Variants in C7 observed in about 807,000 individuals in gnomAD.
The protein encoded by C7 is complement C7, also known as complement component C7.
Under a neutral mutation model 104.8 loss-of-function variants are expected in C7, and 83 were observed. The ratio of observed to expected loss-of-function variants is 0.79; its 90% CI spans 0.66 to 0.95. The LOEUF (loss-of-function observed/expected upper bound fraction) is 0.95, where lower values mean the gene tolerates loss of function less well. Among genes scored for constraint, C7 ranks in the 40% least tolerant of loss-of-function variants. The probability of loss-of-function intolerance (pLI) is 0.00; values close to 1 mark genes in which losing one functional copy is unlikely to be tolerated. For synonymous variants in C7, 415 were observed against 360.6 expected (o/e 1.15, Z -1.71); for missense variants, 1,070 against 1,011.2 (o/e 1.06, Z -0.79).
At chr5:40,961,675 C>T (rs888912125) in intron 12 of C7, among the ~76,000 whole-genome samples, 20 of 152,116 alleles carry the variant, frequency 1.3e-4, no homozygotes, top group African/African-American at 4.3e-4. Context: ...CGTGAGCTGT[C>T]GCATCTCGTC....
chr5:40,952,023 GA>G, intron 9 of C7, among the ~76,000 whole-genome samples: 1 of 152,320 alleles, frequency 6.6e-6, no homozygotes, highest in Non-Finnish European at 1.5e-5. Flanking sequence ...GAATGAAGTG[GA>G]AAAAGAATGA....
chr5:40,949,838 C>G lies in C7; in HGVS notation c.983-66C>G. 3 of 979,006 alleles carry G rather than the reference C, an allele frequency of 3.1e-6. No homozygotes were observed. The South Asian group carries it at 4.2e-5, about 14-fold the overall frequency. 60.6% of individuals were successfully genotyped at this position (979,006 alleles called of 1,614,324 possible). On this transcript the variant is annotated intron_variant, in intron 8 of 17. Transcript: ENST00000313164. ...CAGCAAACAACCTCTTATCCCTACT[C>G]TCATATCTGAAGATCTTCAAGGAAT...
rs2111737799 is a variant in C7, at chr5:40,981,765, C to T, written c.*192C>T. 2.0e-6 allele frequency: 1 copy of T among 508,694 alleles called. No homozygotes were observed. The highest frequency in any genetic ancestry group is 3.4e-6 in the Non-Finnish European group (1 of 290,882). 31.5% of individuals were successfully genotyped at this position (508,694 alleles called of 1,614,324 possible). On this transcript the variant is annotated 3_prime_UTR_variant, in exon 18 of 18. Transcript: ENST00000313164. ...TCTGAATCGAATTACTCTTTTGCCT[C>T]CTTTTTAATGTCAGTAAGGATATGA...
chr5:40,922,296 A>G (rs324071), intron 1 of C7, among the ~76,000 whole-genome samples: 37,334 of 142,236 alleles, frequency 0.26, 5,511 homozygotes, highest in African/African-American at 0.43. Context: ...AAATGCTTGA[A>G]CCCAGGAGGT....
At chr5:40,950,082 G>T in intron 9 of C7, 68 bp downstream of exon 9, 1 of 895,406 alleles carries the variant, frequency 1.1e-6, no homozygotes, top group Non-Finnish European at 1.7e-6. Flanking sequence ...AAGTTCAAGG[G>T]TACGCGTGAA....
intron 15 of C7, among the ~76,000 whole-genome samples, chr5:40,975,858 C>T (rs1561261145): frequency 6.6e-6 from 1 of 152,144 alleles, no homozygotes; most frequent in African/African-American, 2.4e-5. Flanking sequence ...TCCAGATAAA[C>T]TACCTTTATA....
chr5:40,918,276 T>C (rs1213715476), intron 1 of C7, among the ~76,000 whole-genome samples: 1 of 151,734 alleles, frequency 6.6e-6, no homozygotes, highest in African/African-American at 2.4e-5. Flanking sequence ...GGGAGCATCA[T>C]TTGAGCCTGG....
At chr5:40,967,583 T>C in intron 14 of C7, 1 of 177,066 alleles carries the variant, frequency 5.6e-6, no homozygotes, top group South Asian at 1.3e-4. Context: ...ATCTGACAAA[T>C]GATAACTCTG....
At chr5:40,913,644 G>A (rs546804427) in intron 1 of C7, among the ~76,000 whole-genome samples, 48 of 152,100 alleles carry the variant, frequency 3.2e-4, no homozygotes, top group African/African-American at 1.1e-3. Context: ...ATCTGGGCAT[G>A]TGCCACCATG....
At chr5:40,961,000 C>T (rs1579865824) in intron 12 of C7, among the ~76,000 whole-genome samples, 1 of 152,276 alleles carries the variant, frequency 6.6e-6, no homozygotes, top group African/African-American at 2.4e-5. Flanking sequence ...TCCTTTTAGG[C>T]TTAAGATTCT....
chr5:40,937,936 A>G (rs1158898976), intron 6 of C7, among the ~76,000 whole-genome samples: 1 of 152,140 alleles, frequency 6.6e-6, no homozygotes, highest in East Asian at 1.9e-4. Flanking sequence ...TTCATGTTCT[A>G]TATAGGCCCA....
chr5:40,955,200 A>G (rs1471585253), intron 9 of C7, among the ~76,000 whole-genome samples, 187 bp from the exon 10 acceptor site: 2 of 152,232 alleles, frequency 1.3e-5, no homozygotes, highest in Non-Finnish European at 2.9e-5. Flanking sequence ...TTGTAGTATT[A>G]TACAGAACAG....
rs1579861898 is a variant in C7, at chr5:40,955,245, A to G, written c.1094-142A>G. 8.7e-6 allele frequency: 6 copies of G among 687,880 alleles called. No homozygotes were observed. In the South Asian group the frequency reaches 1.2e-4, roughly 14 times the overall value. The allele number at this position is 687,880 out of a possible 1,614,324, so 42.6% of individuals were successfully genotyped here. On this transcript the variant is annotated intron_variant, in intron 9 of 17. Transcript: ENST00000313164. ...CCTAAATATCCTTTGTGCTCTGCCT[A>G]TTCATCCCTCCCTTCTTTCTGACCA...
rs1296257488 is a variant in C7 at position 40,938,588 on chromosome 5, T to TAA, written c.567+900_567+901dup. The stretch of plus-strand genomic sequence containing the variant: ...TATGTATGTACTAAATTTTACTAGG[T>TAA]AAAGTATCCAAAATGGCTGGATCAT... On this transcript the variant is annotated intron_variant, in intron 6 of 17. Transcript: ENST00000313164. Among the ~76,000 whole-genome samples, 10 of 152,308 alleles carry TAA rather than the reference T, an allele frequency of 6.6e-5. No homozygotes were observed. The East Asian group carries it at 1.9e-3, about 29-fold the overall frequency.
At chr5:40,940,695 C>T (rs1739917120) in intron 6 of C7, among the ~76,000 whole-genome samples, 1 of 152,162 alleles carries the variant, frequency 6.6e-6, no homozygotes, top group Non-Finnish European at 1.5e-5. Context: ...AAAAATATCT[C>T]ACATATAAGA....
At chr5:40,970,069 C>T (rs545333854) in intron 14 of C7, among the ~76,000 whole-genome samples, 33 of 151,438 alleles carry the variant, frequency 2.2e-4, no homozygotes, top group Non-Finnish European at 4.9e-4. Context: ...TTGCTGTGTC[C>T]CAAGCAGTGC....
At position 40,962,272 on chromosome 5, in the gene C7, A is replaced by T. The variant is rs868569971; in HGVS notation, c.1749+100A>T. 19 of 640,546 alleles carry T rather than the reference A, an allele frequency of 3.0e-5. No homozygotes were observed. The Middle Eastern group carries it at 2.2e-3, about 76-fold the overall frequency. The allele number at this position is 640,546 out of a possible 1,614,324, so 39.7% of individuals were successfully genotyped here. A position where few individuals can be genotyped will look rare whatever the true frequency, so the allele number is the denominator to read the frequency against. On this transcript the variant is annotated intron_variant, in intron 13 of 17. Transcript: ENST00000313164. ...TCTTCCTCCATGGTGAAGCCGTGCC[A>T]AAAATATTTTATATATGCATTTTAG... is the stretch of plus-strand genomic sequence containing the variant.
intron 15 of C7, among the ~76,000 whole-genome samples, chr5:40,976,484 T>G (rs903347948): frequency 1.8e-4 from 28 of 152,212 alleles, no homozygotes; most frequent in African/African-American, 6.5e-4. Context: ...GGCATGAATA[T>G]CCCAATGTAT....
chr5:40,956,002 A>G (rs746470989), intron 10 of C7, among the ~76,000 whole-genome samples: 1 of 152,174 alleles, frequency 6.6e-6, no homozygotes, highest in Non-Finnish European at 1.5e-5. Flanking sequence ...GAATTTTAAC[A>G]TGTTTTATTG....
Sources: allele counts gnomAD v4.1 joint callset (sites outside exome capture counted in the v4.1 genomes callset), GRCh38; gene constraint gnomAD v4.1.1; transcripts MANE v1.5; gene names NCBI Gene and HGNC (gene_info 2026-07-23, HGNC 2026-07-21).